PTCD3: variants seen among roughly 807,000 people sequenced by gnomAD.
PTCD3 encodes small ribosomal subunit protein mS39.
Under a neutral mutation model 101.9 loss-of-function variants are expected in PTCD3, and 89 were observed. The observed-to-expected ratio is 0.87, with a 90% CI of 0.74 to 1.04. The LOEUF (loss-of-function observed/expected upper bound fraction) is 1.04. Among genes scored for constraint, PTCD3 ranks in the 50% least tolerant of loss-of-function variants. The pLI is 0.00. For synonymous variants in PTCD3, 296 were observed against 278.5 expected, an observed-to-expected ratio of 1.06 and a Z score of -0.63; for missense variants, 870 against 828.2, an observed-to-expected ratio of 1.05 and a Z score of -0.62.
intron 5 of PTCD3, 50 bp downstream of exon 5, chr2:86,116,648 A>T: frequency 7.5e-7 from 1 of 1,332,768 alleles, no homozygotes; most frequent in Non-Finnish European, 1.1e-6. Context: ...TGGTTTGCGT[A>T]CAACAGTACA....
chr2:86,126,664 G>A (rs903004883), intron 12 of PTCD3, among the ~76,000 whole-genome samples: 1 of 151,838 alleles, frequency 6.6e-6, no homozygotes, highest in Admixed American at 6.6e-5. Context: ...GTGAAACCCC[G>A]TCTCTACTAC....
rs760999013 is a variant in PTCD3, at chr2:86,127,230, T to C, written c.1021T>C (p.Cys341Arg). The C allele has an allele frequency of 1.9e-6, 3 of 1,613,860 alleles. No homozygotes were observed. The highest frequency in any genetic ancestry group is 1.3e-5 in the African/African-American group (1 of 75,046). The stretch of plus-strand genomic sequence containing the variant: ...TCAGACTTTTAATACCATTCTGAAA[T>C]GTCTCCGAAGATTTCATGTGTTTGC... The part of the protein sequence containing the change: ...NLQTFNTILK[C>R]LRRFHVFARS... The change falls in exon 13 of 24, where the codon TGT becomes CGT. Residue 341 changes from cysteine (C) to arginine (R), a missense_variant. By Grantham distance (180) the Cys-to-Arg change is radical (BLOSUM62 -3). Transcript: ENST00000254630.
In PTCD3 at chr2:86,127,296, A is replaced by G; in HGVS notation, c.1087A>G (p.Ile363Val). The G allele has an allele frequency of 1.2e-6, 2 of 1,614,022 alleles. No individual in the cohort carries two copies. Among genetic ancestry groups the G allele is most frequent in the Non-Finnish European group, 1.7e-6 (2 of 1,179,948 alleles). ...ALQVLREMKA[I>V]GIEPSLATYH... The stretch of plus-strand genomic sequence containing the variant: ...ACAGGTTTTACGTGAAATGAAAGCC[A>G]TTGGAATAGGTGAGGATGCGCCCTT... Residue 363 changes from isoleucine (I) to valine (V), a missense_variant, in exon 13 of 24, where the codon ATT (isoleucine) becomes GTT (valine). Coordinates refer to ENST00000254630, the MANE Select transcript of PTCD3 (RefSeq NM_017952.6).
At chr2:86,107,216 A>G (rs1178548100) in intron 1 of PTCD3, 1 of 471,092 alleles carries the variant, frequency 2.1e-6, no homozygotes. Flanking sequence ...CATCGTTAGC[A>G]TTTTTCTACT....
rs1053974358 is a variant in PTCD3, at chr2:86,138,693, G to T, written c.*1134G>T. 6.9e-6 allele frequency: 1 copy of T among 145,864 alleles called. No homozygotes were observed. The highest frequency in any genetic ancestry group is 6.8e-5 in the Admixed American group (1 of 14,648). The allele number at this position is 145,864 out of a possible 1,614,324, so 9.0% of individuals were successfully genotyped here. A position where few individuals can be genotyped will look rare whatever the true frequency, so the allele number is the denominator to read the frequency against. On this transcript the variant is annotated 3_prime_UTR_variant, in exon 24 of 24. Coordinates refer to ENST00000254630, the MANE Select transcript of PTCD3 (RefSeq NM_017952.6). ...TTGAGGGACAAAAAAAAAAAAAGCCGATATAGTAGCTAGCTACTTAAGCAT... is the reference window on the plus strand; with the variant it reads ...TTGAGGGACAAAAAAAAAAAAAGCCTATATAGTAGCTAGCTACTTAAGCAT...
chr2:86,137,604 G>A lies in PTCD3; in HGVS notation c.*45G>A. The A allele has an allele frequency of 6.2e-7, 1 of 1,611,506 alleles. No individual in the cohort carries two copies. Among genetic ancestry groups the A allele is most frequent in the South Asian group, 1.1e-5 (1 of 90,786 alleles). On this transcript the variant is annotated 3_prime_UTR_variant, in exon 24 of 24. Transcript: ENST00000254630. ...GCAATGGGTCTCACCATAGCTGCTG[G>A]AATCACACCTGAGAACTGAGATATA...
chr2:86,133,273 CTTG>C lies in PTCD3; in HGVS notation c.1452+20_1452+22del, dbSNP rs1450838904. The C allele has an allele frequency of 6.2e-7, 1 of 1,613,824 alleles. No individual in the cohort carries two copies. Among genetic ancestry groups the C allele is most frequent in the East Asian group, 2.2e-5 (1 of 44,876 alleles). On this transcript the variant is annotated intron_variant, in intron 18 of 23. Transcript: ENST00000254630. ...ATACCTTCAGTAAGATGGTTCATTA[CTTG>C]TTATTTATCATTCTAGATGAATTGG...
chr2:86,109,825 G>T (rs948505915), intron 3 of PTCD3, among the ~76,000 whole-genome samples: 2 of 152,188 alleles, frequency 1.3e-5, no homozygotes, highest in Non-Finnish European at 2.9e-5. Flanking sequence ...TTTTTACATT[G>T]AAAGGAATTA....
At position 86,113,377 on chromosome 2, in the gene PTCD3, C is replaced by T. The variant is rs114527072; in HGVS notation, c.240+2219C>T. ...ATTAACCAAAAACTTTTAATTTCGTCTGTGGGGAAAAGTCTAAAATAATTA... is the reference window on the plus strand; with the variant it reads ...ATTAACCAAAAACTTTTAATTTCGTTTGTGGGGAAAAGTCTAAAATAATTA... On this transcript the variant is annotated intron_variant, in intron 4 of 23. Coordinates refer to ENST00000254630, the MANE Select transcript of PTCD3 (RefSeq NM_017952.6). Among the ~76,000 whole-genome samples the T allele has an allele frequency of 6.7e-3, 1,017 of 152,262 alleles. 13 individuals are homozygous for T. Among genetic ancestry groups the T allele is most frequent in the African/African-American group, 0.023 (942 of 41,532 alleles).
At chr2:86,123,674 A>T (rs753613310) in intron 8 of PTCD3, 27 bp from the exon 9 acceptor site, 1 of 1,544,970 alleles carries the variant, frequency 6.5e-7, no homozygotes, top group South Asian at 1.2e-5. Context: ...CTTAACTTTT[A>T]TTTCTTTTGA....
chr2:86,136,844 T>G, intron 22 of PTCD3, 138 bp from the exon 23 acceptor site: 1 of 1,179,316 alleles, frequency 8.5e-7, no homozygotes. Flanking sequence ...TGGAAACAAG[T>G]AAAAATAAAT....
At chr2:86,136,423 A>C (rs938005628) in intron 21 of PTCD3, 98 bp from the exon 22 acceptor site, 2 of 1,187,886 alleles carry the variant, frequency 1.7e-6, no homozygotes, top group Non-Finnish European at 2.5e-6. Context: ...AGTTAAGAAA[A>C]GGGCATTTAG....
At chr2:86,120,479 G>A (rs972570461) in intron 7 of PTCD3, among the ~76,000 whole-genome samples, 5 of 152,154 alleles carry the variant, frequency 3.3e-5, no homozygotes, top group African/African-American at 1.2e-4. Flanking sequence ...GGGTCTCATA[G>A]CTTTGAGATA....
intron 3 of PTCD3, among the ~76,000 whole-genome samples, chr2:86,109,718 A>T (rs1490890201): frequency 6.6e-6 from 1 of 152,206 alleles, no homozygotes; most frequent in Non-Finnish European, 1.5e-5. Context: ...CATGGACAAG[A>T]CTGTTCTTTA....
At chr2:86,130,533 C>T (rs1674476092) in intron 14 of PTCD3, 115 bp from the exon 15 acceptor site, 2 of 1,468,746 alleles carry the variant, frequency 1.4e-6, no homozygotes, top group Non-Finnish European at 1.8e-6. Context: ...CAGATCTATG[C>T]GAGGACTTAG....
In PTCD3 at chr2:86,130,633, T is replaced by C. The variant is rs766201574; in HGVS notation, c.1148-15T>C. On this transcript the variant is annotated splice_polypyrimidine_tract_variant and intron_variant, in intron 14 of 23. Coordinates refer to ENST00000254630, the MANE Select transcript of PTCD3 (RefSeq NM_017952.6). ...AAGGAAGTGGATTAAACACATTTGCTTTCTTGTTCTGCAGGAGACCCTTTA... is the reference window on the plus strand; with the variant it reads ...AAGGAAGTGGATTAAACACATTTGCCTTCTTGTTCTGCAGGAGACCCTTTA... The C allele has an allele frequency of 6.9e-6, 11 of 1,605,368 alleles. No homozygotes were observed. Among genetic ancestry groups the C allele is most frequent in the Non-Finnish European group, 9.4e-6 (11 of 1,176,104 alleles).
At position 86,117,179 on chromosome 2, in the gene PTCD3, T is replaced by G. The variant is rs752885336; in HGVS notation, c.414+20T>G. On this transcript the variant is annotated intron_variant, in intron 6 of 23. Transcript: ENST00000254630. ...ATACCGGTAAGGAGAGGTAGTTACA[T>G]TATTTACATAATACTATTTTAAATG... is the stretch of plus-strand genomic sequence containing the variant. 5.8e-6 allele frequency: 5 copies of G among 867,656 alleles called. No individual in the cohort carries two copies. The highest frequency in any genetic ancestry group is 5.7e-5 in the Admixed American group (3 of 52,716). The allele number at this position is 867,656 out of a possible 1,614,324, so 53.7% of individuals were successfully genotyped here. A position where few individuals can be genotyped will look rare whatever the true frequency, so the allele number is the denominator to read the frequency against.
Position 86,139,214 on chromosome 2 carries a change from T to A in PTCD3, c.*1655T>A, listed in dbSNP as rs1674644037. Reference sequence around the variant, plus strand: ...AGCCTCTACTATGAGTAAAATGTTCTCTTCGGCCGGGTGTGGTGACTCACA... The same window carrying A: ...AGCCTCTACTATGAGTAAAATGTTCACTTCGGCCGGGTGTGGTGACTCACA... On this transcript the variant is annotated 3_prime_UTR_variant, in exon 24 of 24. Transcript: ENST00000254630. 1 of 152,190 alleles carries A rather than the reference T, an allele frequency of 6.6e-6. No homozygotes were observed. The highest frequency in any genetic ancestry group is 1.5e-5 in the Non-Finnish European group (1 of 68,042). 9.4% of individuals were successfully genotyped at this position (152,190 alleles called of 1,614,324 possible). A position where few individuals can be genotyped will look rare whatever the true frequency, so the allele number is the denominator to read the frequency against.
chr2:86,123,867 G>T lies in PTCD3; in HGVS notation c.716+105G>T. 4 of 763,370 alleles carry T rather than the reference G, an allele frequency of 5.2e-6. No homozygotes were observed. The South Asian group carries it at 1.1e-4, about 21-fold the overall frequency. 47.3% of individuals were successfully genotyped at this position (763,370 alleles called of 1,614,324 possible). ...TTTCTTGTGATGTTCTAAAATAATT[G>T]ATTTTTATTGTGCAATATAAATTTC... On this transcript the variant is annotated intron_variant, in intron 9 of 23. Transcript: ENST00000254630.
Sources: allele counts gnomAD v4.1 joint callset (sites outside exome capture counted in the v4.1 genomes callset), GRCh38; gene constraint gnomAD v4.1.1; transcripts MANE v1.5; gene names NCBI Gene and HGNC (gene_info 2026-07-23, HGNC 2026-07-21).